Variants in TEAD1 observed in about 807,000 individuals in gnomAD.
TEAD1 encodes the protein transcriptional enhancer factor TEF-1.
TEAD1 carries 9 observed loss-of-function variants against 54.9 expected under a neutral mutation model. That is an observed-to-expected ratio of 0.16 (90% confidence interval 0.10 to 0.29). The LOEUF (loss-of-function observed/expected upper bound fraction) is 0.29. Ranked by LOEUF, TEAD1 falls within the 10% of genes least tolerant of loss-of-function variation. The pLI, the probability that TEAD1 is intolerant of heterozygous loss-of-function variation, is 1.00. For missense variants in TEAD1, 387 were observed against 535.9 expected (o/e 0.72, Z 2.74); for synonymous variants, 200 against 187.8 (o/e 1.07, Z -0.53).
At chr11:12,829,181 C>G (rs1280738606) in intron 3 of TEAD1, among the ~76,000 whole-genome samples, 1 of 152,126 alleles carries the variant, frequency 6.6e-6, no homozygotes, top group Non-Finnish European at 1.5e-5. Context: ...GGATTTTGAC[C>G]CAGTAGACCC....
intron 2 of TEAD1, among the ~76,000 whole-genome samples, chr11:12,741,160 C>T (rs930701656): frequency 6.6e-6 from 1 of 152,018 alleles, no homozygotes; most frequent in Non-Finnish European, 1.5e-5. Flanking sequence ...AATTCATATT[C>T]TATGAGAAAT....
intron 3 of TEAD1, among the ~76,000 whole-genome samples, chr11:12,791,842 C>T (rs1302955970): frequency 1.3e-5 from 2 of 152,186 alleles, no homozygotes; most frequent in Non-Finnish European, 2.9e-5. Context: ...CCCAAGGAAG[C>T]AGCCCTATTT....
chr11:12,722,699 C>A, intron 2 of TEAD1, among the ~76,000 whole-genome samples: 1 of 149,444 alleles, frequency 6.7e-6, no homozygotes. Context: ...AAAAGACAGT[C>A]AAACAAAAGA....
Position 12,745,502 on chromosome 11 carries a change from T to TA in TEAD1, c.-54-18669dup, listed in dbSNP as rs1297620120. ...TGGGAGAGGGCTGTTTCTGAAAAGC[T>TA]AAAAAAAATTTAAAAACACAGAATC... On this transcript the variant is annotated intron_variant, in intron 2 of 12. Coordinates refer to ENST00000527636, the MANE Select transcript of TEAD1 (RefSeq NM_021961.6). Among the ~76,000 whole-genome samples the TA allele has an allele frequency of 1.3e-4, 19 of 151,482 alleles. No homozygotes were observed. The South Asian group carries it at 2.9e-3, about 23-fold the overall frequency.
chr11:12,903,578 G>T (rs1267683479), intron 10 of TEAD1, among the ~76,000 whole-genome samples: 1 of 152,156 alleles, frequency 6.6e-6, no homozygotes, highest in Non-Finnish European at 1.5e-5. Context: ...ACTTTGGGAG[G>T]CTGAGGCAGG....
At chr11:12,813,956 C>G (rs1946361281) in intron 3 of TEAD1, among the ~76,000 whole-genome samples, 1 of 152,174 alleles carries the variant, frequency 6.6e-6, no homozygotes, top group African/African-American at 2.4e-5. Context: ...GTGCTGACCA[C>G]AAGTCCGAGG....
intron 3 of TEAD1, among the ~76,000 whole-genome samples, chr11:12,807,705 G>A (rs1221207805): frequency 1.3e-5 from 2 of 152,190 alleles, no homozygotes; most frequent in Non-Finnish European, 2.9e-5. Flanking sequence ...CCTCTCCAGG[G>A]GAACCTCTGT....
At chr11:12,830,382 A>G (rs1375492487) in intron 3 of TEAD1, among the ~76,000 whole-genome samples, 1 of 152,068 alleles carries the variant, frequency 6.6e-6, no homozygotes, top group African/African-American at 2.4e-5. Context: ...GGAAGACTCA[A>G]CCCAAACCTG....
chr11:12,826,353 C>T (rs1946654999), intron 3 of TEAD1, among the ~76,000 whole-genome samples: 1 of 152,114 alleles, frequency 6.6e-6, no homozygotes. Flanking sequence ...AAAATAGTTC[C>T]TTGGAGAAGT....
chr11:12,934,107 A>G (rs369493612), intron 12 of TEAD1, among the ~76,000 whole-genome samples: 27 of 152,244 alleles, frequency 1.8e-4, no homozygotes, highest in East Asian at 1.7e-3. Context: ...TTAGAGCACT[A>G]TTCACACTAG....
intron 2 of TEAD1, among the ~76,000 whole-genome samples, chr11:12,742,020 G>A (rs967211510): frequency 7.2e-5 from 11 of 152,236 alleles, no homozygotes; most frequent in African/African-American, 1.9e-4. Flanking sequence ...CCAGCACACA[G>A]TAGGCAGTTT....
chr11:12,835,615 C>T (rs988747084), intron 3 of TEAD1, among the ~76,000 whole-genome samples: 1 of 151,834 alleles, frequency 6.6e-6, no homozygotes, highest in Non-Finnish European at 1.5e-5. Flanking sequence ...CCACCGTACC[C>T]GGTGGCTCTG....
intron 11 of TEAD1, 96 bp downstream of exon 11, chr11:12,925,148 T>A (rs1948883629): frequency 1.4e-6 from 2 of 1,421,120 alleles, no homozygotes; most frequent in Non-Finnish European, 2.0e-6. Flanking sequence ...TTTTTGGATG[T>A]CTGCTTCTTA....
chr11:12,683,320 C>T (rs948366588), intron 2 of TEAD1, among the ~76,000 whole-genome samples: 3 of 152,320 alleles, frequency 2.0e-5, no homozygotes, highest in South Asian at 2.1e-4. Flanking sequence ...TGAAACAACA[C>T]GTTTGCATCT....
chr11:12,689,273 A>G (rs1943402355), intron 2 of TEAD1, among the ~76,000 whole-genome samples: 1 of 152,118 alleles, frequency 6.6e-6, no homozygotes, highest in Non-Finnish European at 1.5e-5. Flanking sequence ...TTAACACTGG[A>G]TTGAATCTGT....
chr11:12,788,875 G>C (rs1945738452), intron 3 of TEAD1, among the ~76,000 whole-genome samples: 1 of 152,182 alleles, frequency 6.6e-6, no homozygotes, highest in African/African-American at 2.4e-5. Context: ...CTTAAGCAGG[G>C]ATTAAAAACC....
intron 2 of TEAD1, among the ~76,000 whole-genome samples, chr11:12,681,686 C>T (rs1014270436): frequency 3.9e-5 from 6 of 152,250 alleles, no homozygotes; most frequent in Non-Finnish European, 1.5e-5. Context: ...CCATGTGACC[C>T]TCATTCACCA....
At chr11:12,723,620 C>A (rs920537153) in intron 2 of TEAD1, among the ~76,000 whole-genome samples, 5 of 152,158 alleles carry the variant, frequency 3.3e-5, no homozygotes, top group African/African-American at 1.2e-4. Flanking sequence ...CTACCATCCC[C>A]CCATTTCCTG....
chr11:12,729,896 A>G (rs1002289871), intron 2 of TEAD1, among the ~76,000 whole-genome samples: 1 of 152,192 alleles, frequency 6.6e-6, no homozygotes, highest in Admixed American at 6.5e-5. Context: ...CCAGGTGAAT[A>G]ATGCCTGCAT....
Sources: gnomAD v4.1 joint callset for allele counts (sites outside exome capture counted in the v4.1 genomes callset) on GRCh38, gnomAD v4.1.1 for gene constraint, MANE v1.5 for transcripts, NCBI Gene and HGNC (gene_info 2026-07-23, HGNC 2026-07-21) for gene names.